The following TMEM178A variants were observed in gnomAD, a reference collection of about 807,000 sequenced individuals.
The protein encoded by TMEM178A is transmembrane protein 178A.
In TMEM178A, 12 loss-of-function variants were observed where a neutral mutation model predicts 29.1. The observed-to-expected ratio is 0.41, with a 90% CI of 0.26 to 0.67. The LOEUF (loss-of-function observed/expected upper bound fraction) is 0.67, where lower values mean the gene tolerates loss of function less well. TMEM178A is among the 30% of genes least tolerant of loss of function. The pLI is 0.29. For missense variants in TMEM178A, 366 were observed against 419.1 expected, an observed-to-expected ratio of 0.87 and a Z score of 1.11; for synonymous variants, 210 against 187.2, an observed-to-expected ratio of 1.12 and a Z score of -0.99.
chr2:39,690,550 G>T (rs1411835045), intron 1 of TMEM178A, among the ~76,000 whole-genome samples: 3 of 152,184 alleles, frequency 2.0e-5, no homozygotes, highest in African/African-American at 7.2e-5. Context: ...CTGCAAGAGG[G>T]AATGAAAGAA....
rs552152371 is a variant in TMEM178A, at chr2:39,704,810, C to G, written c.514+616C>G. ...ATAGATAGCTCCCCGAAACGAAAAA[C>G]TACTGTGAATTTTTTTGGTCTTTGC... On this transcript the variant is annotated intron_variant, in intron 2 of 3. Transcript: ENST00000281961. 2.0e-5 allele frequency among the ~76,000 whole-genome samples: 3 copies of G among 152,314 alleles called. No homozygotes were observed. The East Asian group carries it at 5.8e-4, about 29-fold the overall frequency.
intron 3 of TMEM178A, among the ~76,000 whole-genome samples, chr2:39,709,289 A>C (rs996331861): frequency 2.0e-5 from 3 of 152,206 alleles, no homozygotes; most frequent in African/African-American, 7.2e-5. Flanking sequence ...ACTCCACGAA[A>C]TGGTGCTGCA....
chr2:39,698,018 T>G (rs1234184230), intron 1 of TMEM178A: 2 of 152,262 alleles, frequency 1.3e-5, no homozygotes, highest in Non-Finnish European at 2.9e-5. Flanking sequence ...GAGTCAGCCA[T>G]GTCGCCAATC....
chr2:39,677,956 C>T (rs1406244280), intron 1 of TMEM178A, among the ~76,000 whole-genome samples: 8 of 147,452 alleles, frequency 5.4e-5, no homozygotes, highest in African/African-American at 2.0e-4. Flanking sequence ...CTTGTAGGTT[C>T]GACAAGAAAA....
At chr2:39,689,809 C>G (rs1671234568) in intron 1 of TMEM178A, among the ~76,000 whole-genome samples, 1 of 152,188 alleles carries the variant, frequency 6.6e-6, no homozygotes, top group African/African-American at 2.4e-5. Context: ...AAGAATACCC[C>G]TGTGGTAACT....
chr2:39,706,972 A>C (rs1189389445), intron 2 of TMEM178A, 77 bp from the exon 3 acceptor site: 17 of 1,518,114 alleles, frequency 1.1e-5, no homozygotes, highest in Admixed American at 2.1e-5. Flanking sequence ...CACAATGTAT[A>C]CAAAGCCCTA....
intron 1 of TMEM178A, among the ~76,000 whole-genome samples, chr2:39,683,483 T>C (rs942610740): frequency 2.0e-5 from 3 of 152,224 alleles, no homozygotes; most frequent in African/African-American, 7.2e-5. Context: ...GATCTGGTGC[T>C]GTTCCAGGAC....
intron 2 of TMEM178A, among the ~76,000 whole-genome samples, chr2:39,705,421 A>G (rs1464409596): frequency 6.6e-6 from 1 of 152,194 alleles, no homozygotes; most frequent in Non-Finnish European, 1.5e-5. Context: ...AACCATAGGA[A>G]ATTTGGGAGG....
chr2:39,720,114 G>A (rs1455000815), downstream of TMEM178A, among the ~76,000 whole-genome samples: 1 of 152,060 alleles, frequency 6.6e-6, no homozygotes, highest in Non-Finnish European at 1.5e-5. Context: ...ACTAAAATAA[G>A]TTTCTTTTAA....
intron 1 of TMEM178A, among the ~76,000 whole-genome samples, chr2:39,693,157 C>T (rs1377562699): frequency 6.6e-6 from 1 of 152,092 alleles, no homozygotes; most frequent in Non-Finnish European, 1.5e-5. Context: ...AAAACAACAA[C>T]AACAAAAGTC....
chr2:39,717,080 G>A lies in TMEM178A; in HGVS notation c.723G>A (p.Lys241=). ...CGTATGATTTGAACCGGCTCCCAAA[G>A]CTAATTTATAGCCTGCCTGCTGATG... ...SISYDLNRLP[K]LIYSLPADVE... Residue 241 remains lysine, a synonymous_variant, in exon 4 of 4, where the codon AAG becomes AAA. Coordinates refer to ENST00000281961, the MANE Select transcript of TMEM178A (RefSeq NM_152390.3). 1.2e-6 allele frequency: 2 copies of A among 1,611,252 alleles called. No individual in the cohort carries two copies. Among genetic ancestry groups the A allele is most frequent in the South Asian group, 1.1e-5 (1 of 90,806 alleles).
chr2:39,670,461 A>T (rs1012860834), intron 1 of TMEM178A, among the ~76,000 whole-genome samples: 3 of 152,190 alleles, frequency 2.0e-5, no homozygotes, highest in Admixed American at 2.0e-4. Context: ...TATTATAACT[A>T]CTCTTAGTAG....
intron 3 of TMEM178A, among the ~76,000 whole-genome samples, chr2:39,714,536 C>T (rs1672452318): frequency 1.3e-5 from 2 of 152,144 alleles, no homozygotes; most frequent in African/African-American, 4.8e-5. Flanking sequence ...CTTTAGGGAG[C>T]TTCAGTGCTC....
At chr2:39,734,814 A>G in the TMEM178A span, among the ~76,000 whole-genome samples, 1 of 152,300 alleles carries the variant, frequency 6.6e-6, no homozygotes, top group South Asian at 2.1e-4. Flanking sequence ...GTTCTTGGCT[A>G]AAAGTCTTCA....
intron 2 of TMEM178A, 62 bp downstream of exon 2, chr2:39,704,256 A>C: frequency 7.4e-7 from 1 of 1,353,018 alleles, no homozygotes; most frequent in Non-Finnish European, 1.0e-6. Context: ...AATTCCCACC[A>C]CCCCTCTCAC....
rs1672617016 is a variant in TMEM178A, at chr2:39,717,896, C to T, written c.*645C>T. ...GACACTATGCAGTATTGTTTGAAGA[C>T]CTGTTGTTCAACCTCTGTCTCTTTA... On this transcript the variant is annotated 3_prime_UTR_variant, in exon 4 of 4. Coordinates refer to ENST00000281961, the MANE Select transcript of TMEM178A (RefSeq NM_152390.3). 6.6e-6 allele frequency: 1 copy of T among 152,444 alleles called. No homozygotes were observed. Among genetic ancestry groups the T allele is most frequent in the South Asian group, 2.1e-4 (1 of 4,822 alleles). 9.4% of individuals were successfully genotyped at this position (152,444 alleles called of 1,614,324 possible).
chr2:39,667,818 A>G (rs950395087), intron 1 of TMEM178A, among the ~76,000 whole-genome samples: 1 of 152,204 alleles, frequency 6.6e-6, no homozygotes, highest in African/African-American at 2.4e-5. Context: ...CCTAACTTGC[A>G]TCCAAATCTG....
chr2:39,692,808 T>A (rs528287002), intron 1 of TMEM178A, among the ~76,000 whole-genome samples: 63 of 152,224 alleles, frequency 4.1e-4, no homozygotes, highest in Non-Finnish European at 7.6e-4. Context: ...GTAGTCAAGT[T>A]GATTGCTCTA....
intron 1 of TMEM178A, among the ~76,000 whole-genome samples, chr2:39,675,307 A>C (rs1670571673): frequency 6.6e-6 from 1 of 152,146 alleles, no homozygotes; most frequent in African/African-American, 2.4e-5. Context: ...CTGATTTGGA[A>C]AATTGGCAGC....
Sources: gnomAD v4.1 joint callset for allele counts (sites outside exome capture counted in the v4.1 genomes callset) on GRCh38, gnomAD v4.1.1 for gene constraint, MANE v1.5 for transcripts, NCBI Gene and HGNC (gene_info 2026-07-23, HGNC 2026-07-21) for gene names.